DPP10: variants seen among roughly 807,000 people sequenced by gnomAD.
DPP10 encodes dipeptidyl peptidase like 10.
DPP10 carries 33 observed loss-of-function variants against 120.9 expected under a neutral mutation model. The ratio of observed to expected loss-of-function variants is 0.27; its 90% CI spans 0.21 to 0.37. DPP10 has a LOEUF of 0.37. Among genes scored for constraint, DPP10 ranks in the 10% least tolerant of loss-of-function variants. DPP10 has a pLI of 1.00. For synonymous variants in DPP10, 337 were observed against 326.1 expected (o/e 1.03, Z -0.36); for missense variants, 816 against 942.8 (o/e 0.87, Z 1.76).
rs141002913 is a variant in DPP10 at position 115,173,193 on chromosome 2, T to C, written c.61-136046T>C. The stretch of plus-strand genomic sequence containing the variant: ...CGTTCCTTCTCAGAGCTACAGTTCT[T>C]GAGCTGTAACAGCGAATCCAAAAAA... On this transcript the variant is annotated intron_variant, in intron 1 of 25. Transcript: ENST00000410059. Among the ~76,000 whole-genome samples, 445 of 152,342 alleles carry C rather than the reference T, an allele frequency of 2.9e-3. 4 individuals carry two copies. The highest frequency in any genetic ancestry group is 4.8e-3 in the Admixed American group (73 of 15,302).
chr2:115,257,755 C>T (rs1278753331), intron 1 of DPP10, among the ~76,000 whole-genome samples: 1 of 152,154 alleles, frequency 6.6e-6, no homozygotes, highest in Non-Finnish European at 1.5e-5. Context: ...AGTTACATAA[C>T]ATTTGGTCTA....
intron 1 of DPP10, among the ~76,000 whole-genome samples, chr2:115,002,437 A>G (rs536000808): frequency 1.3e-5 from 2 of 152,226 alleles, no homozygotes; most frequent in Admixed American, 6.5e-5. Flanking sequence ...AACCTAGGAA[A>G]TACTATTCTG....
rs148498506 is a variant in DPP10 at position 115,205,692 on chromosome 2, C to T, written c.61-103547C>T. Among the ~76,000 whole-genome samples, 609 of 152,122 alleles carry T rather than the reference C, an allele frequency of 4.0e-3. 4 individuals are homozygous for T. Among genetic ancestry groups the T allele is most frequent in the African/African-American group, 0.013 (540 of 41,518 alleles). On this transcript the variant is annotated intron_variant, in intron 1 of 25. Transcript: ENST00000410059. ...CACATATACACCATAGAATATTATG[C>T]GGCCGTAAAAAAGAATGAAATCATG...
chr2:115,106,377 C>T (rs555491466), intron 1 of DPP10, among the ~76,000 whole-genome samples: 29 of 152,284 alleles, frequency 1.9e-4, no homozygotes, highest in Admixed American at 1.3e-3. Flanking sequence ...ACTTTATGCA[C>T]GAATTAGAAA....
At chr2:114,614,842 C>G (rs1448750237) in intron 1 of DPP10, among the ~76,000 whole-genome samples, 9 of 152,086 alleles carry the variant, frequency 5.9e-5, no homozygotes, top group Admixed American at 4.6e-4. Context: ...ATAGCAAAAG[C>G]CTTTTCATTA....
At chr2:114,703,278 A>C (rs1700494706) in intron 1 of DPP10, among the ~76,000 whole-genome samples, 1 of 152,132 alleles carries the variant, frequency 6.6e-6, no homozygotes. Context: ...TGTTCTGGGG[A>C]AAACAAACCA....
At chr2:114,639,910 A>G (rs1042134369) in intron 1 of DPP10, among the ~76,000 whole-genome samples, 1 of 151,932 alleles carries the variant, frequency 6.6e-6, no homozygotes, top group Admixed American at 6.6e-5. Context: ...ATCTGGAATT[A>G]AAATCTTGCT....
chr2:115,804,503 C>A (rs544375442), intron 19 of DPP10, among the ~76,000 whole-genome samples: 4 of 152,158 alleles, frequency 2.6e-5, no homozygotes, highest in Non-Finnish European at 5.9e-5. Flanking sequence ...GGAGGAGAGG[C>A]GCTCTGGTTT....
chr2:115,148,775 G>A (rs139168741), intron 1 of DPP10, among the ~76,000 whole-genome samples: 3 of 152,186 alleles, frequency 2.0e-5, no homozygotes, highest in East Asian at 1.9e-4. Flanking sequence ...TAACCGCTAC[G>A]CATGTCAAAG....
intron 1 of DPP10, among the ~76,000 whole-genome samples, chr2:114,701,126 T>C (rs761301760): frequency 6.6e-6 from 1 of 152,130 alleles, no homozygotes; most frequent in African/African-American, 2.4e-5. Flanking sequence ...TGATGTGATC[T>C]TCTTTAATCT....
chr2:115,088,589 G>A (rs1173830477), intron 1 of DPP10, among the ~76,000 whole-genome samples: 1 of 151,122 alleles, frequency 6.6e-6, no homozygotes, highest in Non-Finnish European at 1.5e-5. Context: ...AATACACATG[G>A]GCATCACCAT....
chr2:115,761,233 C>A (rs1680080855), intron 11 of DPP10, among the ~76,000 whole-genome samples: 2 of 151,680 alleles, frequency 1.3e-5, no homozygotes, highest in Admixed American at 1.3e-4. Context: ...AATGAGACAC[C>A]ATCTTATTTT....
chr2:115,424,027 T>C (rs1470944792), intron 3 of DPP10, among the ~76,000 whole-genome samples: 1 of 152,134 alleles, frequency 6.6e-6, no homozygotes, highest in Non-Finnish European at 1.5e-5. Flanking sequence ...TTTACCAGAA[T>C]TGTTGTTGGA....
At chr2:115,323,206 C>T (rs2062155707) in intron 2 of DPP10, among the ~76,000 whole-genome samples, 1 of 152,178 alleles carries the variant, frequency 6.6e-6, no homozygotes, top group South Asian at 2.1e-4. Context: ...CCTTTGTTGT[C>T]ACGTCAACAG....
intron 1 of DPP10, among the ~76,000 whole-genome samples, chr2:115,203,089 C>A (rs1337472700): frequency 6.6e-6 from 1 of 152,072 alleles, no homozygotes; most frequent in Non-Finnish European, 1.5e-5. Context: ...TGGTAACTAA[C>A]CAAGGAAGAG....
chr2:115,437,615 G>A (rs972237461), intron 3 of DPP10, among the ~76,000 whole-genome samples: 14 of 152,030 alleles, frequency 9.2e-5, no homozygotes, highest in Non-Finnish European at 1.6e-4. Context: ...ATTGAAAAAC[G>A]ATGCTGGATA....
intron 13 of DPP10, among the ~76,000 whole-genome samples, chr2:115,774,345 A>G (rs545843507): frequency 6.6e-6 from 1 of 151,986 alleles, no homozygotes; most frequent in Non-Finnish European, 1.5e-5. Context: ...TCACTTTTTT[A>G]ATGTTTTGAG....
At chr2:114,455,750 T>C (rs1678549009) in intron 1 of DPP10, among the ~76,000 whole-genome samples, 1 of 150,672 alleles carries the variant, frequency 6.6e-6, no homozygotes, top group African/African-American at 2.5e-5. Flanking sequence ...TTTTTACCAT[T>C]TTCATGCTCA....
intron 1 of DPP10, among the ~76,000 whole-genome samples, chr2:114,807,706 T>C (rs1684849912): frequency 6.6e-6 from 1 of 152,218 alleles, no homozygotes; most frequent in Non-Finnish European, 1.5e-5. Context: ...ATATAGTTGT[T>C]CCAGTTCTCT....
Sources: gnomAD v4.1 joint callset for allele counts (sites outside exome capture counted in the v4.1 genomes callset) on GRCh38, gnomAD v4.1.1 for gene constraint, MANE v1.5 for transcripts, NCBI Gene and HGNC (gene_info 2026-07-23, HGNC 2026-07-21) for gene names.